The following SPAG16 variants were observed in gnomAD, a reference collection of about 807,000 sequenced individuals.
The protein encoded by SPAG16 is sperm-associated antigen 16 protein.
Under a neutral mutation model 80.4 loss-of-function variants are expected in SPAG16, and 86 were observed. The observed-to-expected ratio is 1.07, with a 90% CI of 0.90 to 1.28. The LOEUF is 1.28. Among genes scored for constraint, SPAG16 ranks in the 50% most tolerant of loss-of-function variants. The pLI, the probability that SPAG16 is intolerant of heterozygous loss-of-function variation, is 0.00. For synonymous variants in SPAG16, 294 were observed against 265.9 expected, an observed-to-expected ratio of 1.11 and a Z score of -1.03; for missense variants, 870 against 765.3, an observed-to-expected ratio of 1.14 and a Z score of -1.61.
chr2:213,284,728 G>C, intron 1 of SPAG16, 109 bp downstream of exon 1: 6 of 1,416,022 alleles, frequency 4.2e-6, no homozygotes, highest in Non-Finnish European at 5.6e-6. Context: ...GGCCACTCCG[G>C]AGGAGCCTCT....
intron 9 of SPAG16, among the ~76,000 whole-genome samples, chr2:213,408,934 T>C (rs1383432310): frequency 1.3e-5 from 2 of 152,146 alleles, no homozygotes; most frequent in South Asian, 2.1e-4. Context: ...AAGTTAGCAG[T>C]GTAACACGTA....
chr2:213,666,585 T>C (rs1031289761), intron 10 of SPAG16, among the ~76,000 whole-genome samples: 18 of 152,212 alleles, frequency 1.2e-4, no homozygotes, highest in African/African-American at 4.3e-4. Flanking sequence ...TAATGTCCAA[T>C]TGACAAGTTT....
chr2:213,857,837 G>A (rs1040092330), intron 10 of SPAG16, among the ~76,000 whole-genome samples: 3 of 152,210 alleles, frequency 2.0e-5, no homozygotes, highest in Non-Finnish European at 4.4e-5. Flanking sequence ...ATGATTTATA[G>A]GAAGAGATCA....
chr2:213,614,606 G>T (rs959234105), intron 10 of SPAG16, among the ~76,000 whole-genome samples: 14 of 152,202 alleles, frequency 9.2e-5, no homozygotes, highest in African/African-American at 2.9e-4. Context: ...TGAAAACTGG[G>T]TATTCCATCT....
At chr2:213,738,629 T>A (rs148084073) in intron 10 of SPAG16, among the ~76,000 whole-genome samples, 43 of 152,364 alleles carry the variant, frequency 2.8e-4, no homozygotes, top group African/African-American at 1.0e-3. Context: ...AAATTATCAT[T>A]GCTTTCTGAT....
At chr2:213,508,181 T>G (rs1346598966) in intron 10 of SPAG16, among the ~76,000 whole-genome samples, 1 of 152,126 alleles carries the variant, frequency 6.6e-6, no homozygotes, top group Admixed American at 6.5e-5. Context: ...CTATTCACAA[T>G]AGCAAAGACT....
chr2:213,634,004 G>A (rs575071613), intron 10 of SPAG16, among the ~76,000 whole-genome samples: 6 of 152,194 alleles, frequency 3.9e-5, no homozygotes, highest in South Asian at 2.1e-4. Context: ...TCATTGGTGA[G>A]TTTAGTGCAT....
chr2:213,455,819 T>G (rs1056890641), intron 9 of SPAG16, among the ~76,000 whole-genome samples: 4 of 152,202 alleles, frequency 2.6e-5, no homozygotes, highest in Non-Finnish European at 5.9e-5. Context: ...GGTTCCAGTC[T>G]GCCACTGGAG....
At chr2:213,976,670 G>A (rs914206655) in intron 12 of SPAG16, among the ~76,000 whole-genome samples, 2 of 151,874 alleles carry the variant, frequency 1.3e-5, no homozygotes, top group South Asian at 4.2e-4. Flanking sequence ...AAATTTGTGT[G>A]CCATTTGGGG....
At chr2:213,976,270 A>C (rs966153114) in intron 12 of SPAG16, among the ~76,000 whole-genome samples, 1 of 151,312 alleles carries the variant, frequency 6.6e-6, no homozygotes, top group African/African-American at 2.4e-5. Flanking sequence ...ACACATATAC[A>C]TATGCGTACA....
chr2:213,296,224 C>A, intron 2 of SPAG16, 114 bp downstream of exon 2: 1 of 723,488 alleles, frequency 1.4e-6, no homozygotes, highest in South Asian at 2.0e-5. Context: ...TAAGAGATAC[C>A]AGTTTTTCAA....
At chr2:213,393,926 T>C (rs1371851214) in intron 9 of SPAG16, among the ~76,000 whole-genome samples, 1 of 152,202 alleles carries the variant, frequency 6.6e-6, no homozygotes, top group Non-Finnish European at 1.5e-5. Flanking sequence ...TTTTTTTCCA[T>C]TAGATTGTTG....
At chr2:214,171,766 A>G (rs1475966354) in intron 15 of SPAG16, among the ~76,000 whole-genome samples, 1 of 152,016 alleles carries the variant, frequency 6.6e-6, no homozygotes, top group Admixed American at 6.6e-5. Flanking sequence ...CTGATTTGCA[A>G]CTGATACTGG....
intron 10 of SPAG16, among the ~76,000 whole-genome samples, chr2:213,746,678 G>A (rs762706156): frequency 5.9e-5 from 9 of 152,022 alleles, no homozygotes; most frequent in African/African-American, 9.7e-5. Flanking sequence ...GTGGTGGTGC[G>A]TGCCTGTAGT....
At chr2:213,896,500 T>A (rs1028806382) in intron 11 of SPAG16, among the ~76,000 whole-genome samples, 20 of 151,200 alleles carry the variant, frequency 1.3e-4, no homozygotes, top group African/African-American at 4.6e-4. Flanking sequence ...TCATGTTTAC[T>A]GCAACACTAT....
chr2:213,878,569 C>A (rs989270056), intron 11 of SPAG16, among the ~76,000 whole-genome samples: 3 of 152,008 alleles, frequency 2.0e-5, no homozygotes, highest in African/African-American at 7.2e-5. Context: ...CTGTCAGATA[C>A]ATAGTTTGCA....
At chr2:214,155,897 G>C (rs751654990) in intron 15 of SPAG16, among the ~76,000 whole-genome samples, 61 of 152,098 alleles carry the variant, frequency 4.0e-4, no homozygotes, top group Non-Finnish European at 5.9e-5. Flanking sequence ...CAGGCCCACT[G>C]TCACCTAGCT....
intron 11 of SPAG16, among the ~76,000 whole-genome samples, chr2:213,866,494 C>T (rs1218253388): frequency 6.6e-6 from 1 of 151,906 alleles, no homozygotes; most frequent in Non-Finnish European, 1.5e-5. Flanking sequence ...TAAAAAGTGG[C>T]ATAAATCTAG....
chr2:213,815,569 T>A (rs1276219619), intron 10 of SPAG16, among the ~76,000 whole-genome samples: 3 of 152,116 alleles, frequency 2.0e-5, no homozygotes, highest in African/African-American at 7.2e-5. Flanking sequence ...TGAGATTTTT[T>A]AATAAAACAA....
Sources: allele counts gnomAD v4.1 joint callset (sites outside exome capture counted in the v4.1 genomes callset), GRCh38; gene constraint gnomAD v4.1.1; transcripts MANE v1.5; gene names NCBI Gene and HGNC (gene_info 2026-07-23, HGNC 2026-07-21).